EBF2: variants seen among roughly 807,000 people sequenced by gnomAD.
EBF2 encodes transcription factor COE2.
A neutral mutation model predicts 72.8 loss-of-function variants in EBF2; 21 were observed. The ratio of observed to expected loss-of-function variants is 0.29; its 90% CI spans 0.20 to 0.42. EBF2 has a LOEUF of 0.42. Among genes scored for constraint, EBF2 ranks in the 10% least tolerant of loss-of-function variants. The pLI is 1.00. For missense variants in EBF2, 637 were observed against 731.2 expected (o/e 0.87, Z 1.49); for synonymous variants, 299 against 274.2 (o/e 1.09, Z -0.89).
chr8:25,853,534 C>CTTTCT (rs1199168653), intron 14 of EBF2, among the ~76,000 whole-genome samples: 3 of 151,972 alleles, frequency 2.0e-5, no homozygotes, highest in African/African-American at 7.2e-5. Flanking sequence ...ATATAATAAT[C>CTTTCT]TTTCTTTTCT....
At chr8:25,856,817 T>G (rs1802104278) in intron 14 of EBF2, among the ~76,000 whole-genome samples, 1 of 152,198 alleles carries the variant, frequency 6.6e-6, no homozygotes, top group Non-Finnish European at 1.5e-5. Flanking sequence ...ACATAAAATC[T>G]TATAACAAAT....
chr8:26,022,575 T>C (rs1396784750), intron 6 of EBF2, among the ~76,000 whole-genome samples: 1 of 152,200 alleles, frequency 6.6e-6, no homozygotes, highest in African/African-American at 2.4e-5. Flanking sequence ...AAAGTGTTTG[T>C]TCCATCTCTG....
intron 7 of EBF2, among the ~76,000 whole-genome samples, chr8:25,893,315 T>C (rs1802814524): frequency 7.3e-6 from 1 of 136,900 alleles, no homozygotes; most frequent in Non-Finnish European, 1.5e-5. Context: ...AGCGTCTTGC[T>C]CTATCACCCA....
intron 5 of EBF2, among the ~76,000 whole-genome samples, chr8:26,036,774 G>A (rs1805507956): frequency 6.6e-6 from 1 of 152,134 alleles, no homozygotes; most frequent in South Asian, 2.1e-4. Flanking sequence ...TGTAAACAAA[G>A]CCTGAGTGAC....
At chr8:26,012,119 C>G (rs572386955) in intron 6 of EBF2, among the ~76,000 whole-genome samples, 16 of 152,162 alleles carry the variant, frequency 1.1e-4, no homozygotes, top group Non-Finnish European at 2.4e-4. Flanking sequence ...GCAAGTGTAT[C>G]ATTTCCCTAG....
chr8:25,904,068 C>T (rs2117308655), intron 7 of EBF2, among the ~76,000 whole-genome samples: 1 of 152,076 alleles, frequency 6.6e-6, no homozygotes, highest in African/African-American at 2.4e-5. Context: ...ATGAAGGATG[C>T]CTATTGGGCT....
Position 25,847,965 on chromosome 8 carries a change from A to C in EBF2, c.1696+2629T>G, listed in dbSNP as rs116564424. On this transcript the variant is annotated intron_variant, in intron 15 of 15. Coordinates refer to ENST00000520164, the MANE Select transcript of EBF2 (RefSeq NM_022659.4). Reference sequence around the variant, plus strand: ...TCGTGCGCCGAAATCTCAAATCACCACTAGAGAACTTATCCATGTAATCAA... The same window carrying C: ...TCGTGCGCCGAAATCTCAAATCACCCCTAGAGAACTTATCCATGTAATCAA... Among the ~76,000 whole-genome samples, 1,308 of 152,090 alleles carry C rather than the reference A, an allele frequency of 8.6e-3. 18 individuals are homozygous for C. The highest frequency in any genetic ancestry group is 0.03 in the African/African-American group (1,246 of 41,454).
intron 7 of EBF2, among the ~76,000 whole-genome samples, chr8:25,894,569 C>A (rs375777628): frequency 3.9e-5 from 6 of 152,130 alleles, no homozygotes; most frequent in Non-Finnish European, 8.8e-5. Context: ...TCCCCCTTCT[C>A]GTTTTCCCCC....
At chr8:25,944,176 C>G (rs1165554077) in intron 6 of EBF2, among the ~76,000 whole-genome samples, 1 of 152,186 alleles carries the variant, frequency 6.6e-6, no homozygotes, top group African/African-American at 2.4e-5. Context: ...GGTTCCAGCT[C>G]TGGAAGGAGC....
At chr8:26,005,595 AGGCAGG>A (rs1388233667) in intron 6 of EBF2, among the ~76,000 whole-genome samples, 6 of 79,828 alleles carry the variant, frequency 7.5e-5, no homozygotes, top group African/African-American at 3.1e-4. Flanking sequence ...TTGGGAACTA[AGGCAGG>A]AGGCTCGGTT....
chr8:25,902,192 T>G (rs1444348109), intron 7 of EBF2, among the ~76,000 whole-genome samples: 1 of 152,174 alleles, frequency 6.6e-6, no homozygotes, highest in Non-Finnish European at 1.5e-5. Flanking sequence ...GACTTCCTCT[T>G]CCTAGCTTGA....
Position 25,972,887 on chromosome 8 carries a change from T to TG in EBF2, c.551+60197dup, listed in dbSNP as rs1554476910. Reference sequence around the variant, plus strand: ...CAGTTTGGCTTTTTTTTTTTTTTTTTGAAAATCACCTTTTTCATAAAGCAC... The same window carrying TG: ...CAGTTTGGCTTTTTTTTTTTTTTTTTGGAAAATCACCTTTTTCATAAAGCAC... On this transcript the variant is annotated intron_variant, in intron 6 of 15. Coordinates refer to ENST00000520164, the MANE Select transcript of EBF2 (RefSeq NM_022659.4). Among the ~76,000 whole-genome samples the TG allele has an allele frequency of 2.2e-4, 33 of 148,636 alleles. 2 individuals carry two copies. Among genetic ancestry groups the TG allele is most frequent in the South Asian group, 4.3e-4 (2 of 4,648 alleles).
At chr8:25,868,488 T>G (rs530697086) in intron 10 of EBF2, among the ~76,000 whole-genome samples, 2 of 152,234 alleles carry the variant, frequency 1.3e-5, no homozygotes. Flanking sequence ...TTGTTGTTGT[T>G]GTTGAGACAG....
At chr8:25,848,299 G>A (rs1276051597) in intron 15 of EBF2, among the ~76,000 whole-genome samples, 1 of 152,196 alleles carries the variant, frequency 6.6e-6, no homozygotes, top group Non-Finnish European at 1.5e-5. Flanking sequence ...AACTCACCAA[G>A]TCATTGCTCC....
At chr8:26,000,598 T>C (rs1804707421) in intron 6 of EBF2, among the ~76,000 whole-genome samples, 1 of 152,194 alleles carries the variant, frequency 6.6e-6, no homozygotes. Flanking sequence ...TAGTATTTCA[T>C]AAGGATGTGT....
At position 25,850,592 on chromosome 8, in the gene EBF2, ACCTCTGAAT is replaced by A; in HGVS notation, c.1689_1696+1del. The stretch of plus-strand genomic sequence containing the variant: ...TATCCCCAAAATAGAACCCTTGCTT[ACCTCTGAAT>A]CCATTTCCATTGCCGCTGGAGCAGG... On this transcript the variant is annotated splice_donor_variant and coding_sequence_variant, in exon 15 of 16. Coordinates refer to ENST00000520164, the MANE Select transcript of EBF2 (RefSeq NM_022659.4). LOFTEE classifies it high-confidence loss of function. 6.5e-7 allele frequency: 1 copy of A among 1,546,716 alleles called. No homozygotes were observed. The highest frequency in any genetic ancestry group is 8.6e-7 in the Non-Finnish European group (1 of 1,156,300).
At position 26,044,951 on chromosome 8, in the gene EBF2, CA is replaced by C; in HGVS notation, c.-93del. The C allele has an allele frequency of 7.2e-7, 1 of 1,387,526 alleles. No homozygotes were observed. The highest frequency in any genetic ancestry group is 9.8e-7 in the Non-Finnish European group (1 of 1,025,124). 86.0% of individuals were successfully genotyped at this position (1,387,526 alleles called of 1,614,324 possible). ...AACGTTGCCAGCAAATCGTCTCCTCCAAAGCAATCCAAGAAAAGGGATCAAG... is the reference window on the plus strand; with the variant it reads ...AACGTTGCCAGCAAATCGTCTCCTCCAAGCAATCCAAGAAAAGGGATCAAG... On this transcript the variant is annotated 5_prime_UTR_variant, in exon 1 of 16. Transcript: ENST00000520164. The surrounding 1 kb of genome is among the most constrained non-coding windows in gnomAD (Gnocchi z 4.1).
At chr8:25,970,138 C>A (rs1208734927) in intron 6 of EBF2, among the ~76,000 whole-genome samples, 1 of 152,176 alleles carries the variant, frequency 6.6e-6, no homozygotes, top group African/African-American at 2.4e-5. Flanking sequence ...AGAGAAGCAT[C>A]CTTCTGACCC....
chr8:26,040,907 C>A, intron 3 of EBF2, 32 bp downstream of exon 3: 1 of 1,613,314 alleles, frequency 6.2e-7, no homozygotes, highest in African/African-American at 1.3e-5. Context: ...GGCTGCTAGG[C>A]GCCGGCTCAC....
Sources: allele counts gnomAD v4.1 joint callset (sites outside exome capture counted in the v4.1 genomes callset), GRCh38; gene constraint gnomAD v4.1.1; non-coding constraint Gnocchi (gnomAD v3.1); transcripts MANE v1.5; gene names NCBI Gene and HGNC (gene_info 2026-07-23, HGNC 2026-07-21).